ADK: variants seen among roughly 807,000 people sequenced by gnomAD.
The protein encoded by ADK is N6,N6-dimethyladenosine kinase.
In ADK, 24 loss-of-function variants were observed where a neutral mutation model predicts 44.7. That is an observed-to-expected ratio of 0.54 (90% confidence interval 0.39 to 0.76). The LOEUF (loss-of-function observed/expected upper bound fraction) is 0.76. ADK is among the 30% of genes least tolerant of loss of function. ADK has a pLI of 0.00. For synonymous variants in ADK, 128 were observed against 142.6 expected (o/e 0.90, Z 0.73); for missense variants, 321 against 425.1 (o/e 0.76, Z 2.15).
chr10:74,500,510 G>T (rs778198501), intron 6 of ADK, among the ~76,000 whole-genome samples: 3 of 152,206 alleles, frequency 2.0e-5, no homozygotes, highest in Non-Finnish European at 4.4e-5. Context: ...GTATGACCAA[G>T]ATATTGCATT....
intron 9 of ADK, among the ~76,000 whole-genome samples, chr10:74,668,144 T>A (rs938612176): frequency 2.6e-5 from 4 of 152,232 alleles, no homozygotes; most frequent in Admixed American, 6.5e-5. Context: ...AGTACCTGTT[T>A]GGTTTTAGTT....
intron 7 of ADK, among the ~76,000 whole-genome samples, chr10:74,570,415 G>C (rs1418121078): frequency 6.6e-6 from 1 of 152,146 alleles, no homozygotes; most frequent in East Asian, 1.9e-4. Flanking sequence ...AGCATGGAAT[G>C]TTCTTCCATT....
chr10:74,705,354 C>A (rs1037353786), intron 10 of ADK, among the ~76,000 whole-genome samples: 2 of 152,206 alleles, frequency 1.3e-5, no homozygotes, highest in Non-Finnish European at 2.9e-5. Flanking sequence ...CTTGACCTGT[C>A]TTATTTGCAA....
chr10:74,639,449 A>T (rs1853752332), intron 9 of ADK, among the ~76,000 whole-genome samples: 1 of 152,228 alleles, frequency 6.6e-6, no homozygotes, highest in African/African-American at 2.4e-5. Context: ...AAATAAACTA[A>T]CACAGTGGGT....
intron 6 of ADK, among the ~76,000 whole-genome samples, chr10:74,461,827 G>C (rs962017170): frequency 6.6e-6 from 1 of 152,156 alleles, no homozygotes; most frequent in Admixed American, 6.5e-5. Context: ...ATCTGTACTA[G>C]AGTTTTGTTA....
chr10:74,260,823 T>C (rs1157989341), intron 3 of ADK, among the ~76,000 whole-genome samples: 1 of 152,242 alleles, frequency 6.6e-6, no homozygotes, highest in Non-Finnish European at 1.5e-5. Flanking sequence ...AATTCTCACA[T>C]GTGGATAAAA....
chr10:74,429,538 G>T (rs1411424323), intron 6 of ADK, among the ~76,000 whole-genome samples: 3 of 152,160 alleles, frequency 2.0e-5, no homozygotes, highest in African/African-American at 7.2e-5. Flanking sequence ...GAGTAGGGAA[G>T]AAAGAGATTT....
chr10:74,662,897 A>G (rs1589347311), intron 9 of ADK, among the ~76,000 whole-genome samples: 1 of 152,106 alleles, frequency 6.6e-6, no homozygotes, highest in East Asian at 1.9e-4. Context: ...ACACTTCATC[A>G]TATCATCCTG....
chr10:74,449,505 G>A (rs1027235330), intron 6 of ADK, among the ~76,000 whole-genome samples: 3 of 152,042 alleles, frequency 2.0e-5, no homozygotes, highest in South Asian at 2.1e-4. Context: ...AAAGTTCAGG[G>A]CATTTTGGTC....
At chr10:74,452,633 T>C (rs1009567051) in intron 6 of ADK, among the ~76,000 whole-genome samples, 44 of 151,992 alleles carry the variant, frequency 2.9e-4, no homozygotes, top group African/African-American at 9.9e-4. Context: ...TTTCTTATTT[T>C]TACCAAAGGT....
chr10:74,460,323 C>CAT, intron 6 of ADK, among the ~76,000 whole-genome samples: 1 of 152,130 alleles, frequency 6.6e-6, no homozygotes, highest in Non-Finnish European at 1.5e-5. Flanking sequence ...CACAAATTAT[C>CAT]TTCATTTGGG....
At chr10:74,653,722 G>A (rs995531623) in intron 9 of ADK, among the ~76,000 whole-genome samples, 8 of 152,180 alleles carry the variant, frequency 5.3e-5, no homozygotes, top group African/African-American at 1.4e-4. Context: ...TAAAATGGTT[G>A]TTTACTGGTG....
intron 3 of ADK, among the ~76,000 whole-genome samples, chr10:74,243,007 C>T (rs982641307): frequency 1.3e-5 from 2 of 152,216 alleles, no homozygotes; most frequent in African/African-American, 4.8e-5. Context: ...GGATACTGGA[C>T]AAGAACTCAG....
chr10:74,178,900 A>C (rs562121597), intron 1 of ADK, among the ~76,000 whole-genome samples: 2 of 152,340 alleles, frequency 1.3e-5, no homozygotes, highest in South Asian at 2.1e-4. Context: ...ATCAGCGGCA[A>C]AATTAGGAAT....
chr10:74,617,979 A>G (rs1852840048), intron 9 of ADK, among the ~76,000 whole-genome samples: 1 of 152,154 alleles, frequency 6.6e-6, no homozygotes, highest in Non-Finnish European at 1.5e-5. Context: ...CTTTTACCTT[A>G]TGAAATGTCC....
chr10:74,296,705 A>G (rs920932103), intron 3 of ADK, among the ~76,000 whole-genome samples: 4 of 149,400 alleles, frequency 2.7e-5, no homozygotes, highest in Admixed American at 6.7e-5. Context: ...CCCGCCTCCC[A>G]GGTTCACACC....
intron 6 of ADK, among the ~76,000 whole-genome samples, chr10:74,461,907 T>C (rs1846183517): frequency 6.6e-6 from 1 of 152,206 alleles, no homozygotes; most frequent in African/African-American, 2.4e-5. Context: ...ATATTTAAAA[T>C]GGAAAATGAA....
At chr10:74,173,129 G>A (rs1842215640) in intron 1 of ADK, among the ~76,000 whole-genome samples, 1 of 142,326 alleles carries the variant, frequency 7.0e-6, no homozygotes, top group South Asian at 2.2e-4. Context: ...GTCTTGCTCT[G>A]TCACCTAGGC....
intron 3 of ADK, among the ~76,000 whole-genome samples, chr10:74,261,977 C>G: frequency 6.6e-6 from 1 of 151,918 alleles, no homozygotes; most frequent in South Asian, 2.1e-4. Context: ...TTTTTATTAG[C>G]CAGTTTTCTA....
Sources: allele counts gnomAD v4.1 joint callset (sites outside exome capture counted in the v4.1 genomes callset), GRCh38; gene constraint gnomAD v4.1.1; transcripts MANE v1.5; gene names NCBI Gene and HGNC (gene_info 2026-07-23, HGNC 2026-07-21).